The following NDRG1 variants were observed in gnomAD, a reference collection of about 807,000 sequenced individuals.
NDRG1 encodes the protein N-myc downstream regulated 1, also known as protein NDRG1.
Under a neutral mutation model 56.9 loss-of-function variants are expected in NDRG1, and 32 were observed. That is an observed-to-expected ratio of 0.56 (90% CI 0.42 to 0.76). The LOEUF (loss-of-function observed/expected upper bound fraction) is 0.76, where lower values mean the gene tolerates loss of function less well. Ranked by LOEUF, NDRG1 falls within the 30% of genes least tolerant of loss-of-function variation. NDRG1 has a pLI of 0.00. For synonymous variants in NDRG1, 211 were observed against 204.1 expected (o/e 1.03, Z -0.29); for missense variants, 507 against 545.7 (o/e 0.93, Z 0.71).
chr8:133,273,248 C>A (rs779124001), intron 3 of NDRG1, among the ~76,000 whole-genome samples: 9 of 85,644 alleles, frequency 1.1e-4, no homozygotes, highest in Non-Finnish European at 2.0e-4. Context: ...GAATTAGAAG[C>A]AGCAAATCCA....
At chr8:133,290,138 TCCAGCTCTGCCACC>T (rs1284888266) in intron 1 of NDRG1, among the ~76,000 whole-genome samples, 1 of 152,104 alleles carries the variant, frequency 6.6e-6, no homozygotes, top group East Asian at 1.9e-4. Context: ...AGTGCCTTGC[TCCAGCTCTGCCACC>T]CACCTGCACA....
intron 1 of NDRG1, among the ~76,000 whole-genome samples, chr8:133,295,429 CTTA>C (rs1188904386): frequency 6.6e-6 from 1 of 152,222 alleles, no homozygotes; most frequent in Non-Finnish European, 1.5e-5. Flanking sequence ...CTCTCTCTCC[CTTA>C]CACCTTCCTT....
chr8:133,250,711 A>G (rs1191034757), intron 9 of NDRG1, among the ~76,000 whole-genome samples, 168 bp from the exon 10 acceptor site: 2 of 152,050 alleles, frequency 1.3e-5, no homozygotes, highest in Non-Finnish European at 2.9e-5. Flanking sequence ...CAACACGCCC[A>G]ACCAGGTGCA....
At chr8:133,247,999 G>GC in intron 11 of NDRG1, 73 bp from the exon 12 acceptor site, 1 of 1,411,662 alleles carries the variant, frequency 7.1e-7, no homozygotes, top group Non-Finnish European at 1.0e-6. Flanking sequence ...GGCCTGCCAG[G>GC]CTGGGGCCTG....
At chr8:133,296,688 G>GAC (rs1241133241) in intron 1 of NDRG1, 7 of 312,210 alleles carry the variant, frequency 2.2e-5, no homozygotes, top group East Asian at 2.0e-4. Context: ...TCCGTTCCCA[G>GAC]ACACAGACAC....
At chr8:133,243,579 C>A (rs1855499791) in intron 14 of NDRG1, among the ~76,000 whole-genome samples, 1 of 152,178 alleles carries the variant, frequency 6.6e-6, no homozygotes, top group African/African-American at 2.4e-5. Context: ...GTGCTGGTGT[C>A]CTCGAAGCCT....
chr8:133,296,731 ACT>A (rs1170076152), intron 1 of NDRG1: 7 of 269,160 alleles, frequency 2.6e-5, no homozygotes, highest in Non-Finnish European at 5.3e-5. Context: ...ACACACACAC[ACT>A]CACCTAGTCC....
At position 133,242,015 on chromosome 8, in the gene NDRG1, A is replaced by AT. The variant is rs2130667511; in HGVS notation, c.943+7dup. 2 of 1,614,204 alleles carry AT rather than the reference A, an allele frequency of 1.2e-6. No individual in the cohort carries two copies. The highest frequency in any genetic ancestry group is 1.7e-6 in the Non-Finnish European group (2 of 1,180,026). On this transcript the variant is annotated splice_region_variant and intron_variant, in intron 15 of 15. Transcript: ENST00000323851. The stretch of plus-strand genomic sequence containing the variant: ...CGACCCACTGCACACGGGGAATGCC[A>AT]TACTCACTGTATCCCATGCCCTGCA...
chr8:133,291,896 G>C (rs1306796555), intron 1 of NDRG1, among the ~76,000 whole-genome samples: 2 of 152,194 alleles, frequency 1.3e-5, no homozygotes, highest in Non-Finnish European at 2.9e-5. Context: ...ACTGCTGTGT[G>C]TTCAACTTGA....
At chr8:133,241,260 T>C (rs35456324) in intron 15 of NDRG1, 14,668 of 153,060 alleles carry the variant, frequency 0.096, 997 homozygotes, top group African/African-American at 0.18. Flanking sequence ...CAGCACTGAG[T>C]GTGGCTGCTG....
In NDRG1 at chr8:133,238,944, G is replaced by A; in HGVS notation, c.1119C>T (p.Asp373=). ...CAGCAGCACCCGAGTTGGGGGTGAT[G>A]TCCAGGTGGGCCCCCTCGCTGGTGT... is the stretch of plus-strand genomic sequence containing the variant. ...RSHTSEGAHL[D]ITPNSGAAGN... The change falls in exon 16 of 16, where the codon GAC becomes GAT. Residue 373 remains aspartate (D), a synonymous_variant. Coordinates refer to ENST00000323851, the MANE Select transcript of NDRG1 (RefSeq NM_006096.4). 2 of 1,573,918 alleles carry A rather than the reference G, an allele frequency of 1.3e-6. No individual in the cohort carries two copies. Among genetic ancestry groups the A allele is most frequent in the Non-Finnish European group, 1.7e-6 (2 of 1,160,490 alleles).
intron 5 of NDRG1, among the ~76,000 whole-genome samples, chr8:133,261,252 C>A (rs2130733797): frequency 6.6e-6 from 1 of 152,222 alleles, no homozygotes; most frequent in East Asian, 1.9e-4. Flanking sequence ...ATTATAGCCA[C>A]CCGCCACCAC....
intron 14 of NDRG1, among the ~76,000 whole-genome samples, chr8:133,243,029 G>A (rs1165431485): frequency 6.6e-6 from 1 of 152,146 alleles, no homozygotes; most frequent in Non-Finnish European, 1.5e-5. Context: ...AATATCAAGG[G>A]CATACGTGCA....
intron 3 of NDRG1, among the ~76,000 whole-genome samples, chr8:133,278,068 C>T (rs775314637): frequency 1.3e-5 from 2 of 152,202 alleles, no homozygotes; most frequent in Non-Finnish European, 2.9e-5. Flanking sequence ...AAGGAGCTGA[C>T]ATTTCAGCCA....
intron 8 of NDRG1, 63 bp downstream of exon 8, chr8:133,256,714 G>A: frequency 6.6e-7 from 1 of 1,507,316 alleles, no homozygotes; most frequent in East Asian, 2.3e-5. Context: ...CCCAGGCAGA[G>A]GCTGTGTGCA....
intron 1 of NDRG1, among the ~76,000 whole-genome samples, chr8:133,293,154 C>T (rs1184943516): frequency 6.6e-6 from 1 of 152,234 alleles, no homozygotes; most frequent in Non-Finnish European, 1.5e-5. Flanking sequence ...ACCTCTGCAG[C>T]CGCCTTCCTG....
chr8:133,280,350 G>T lies in NDRG1; in HGVS notation c.64-83C>A, dbSNP rs1444053699. On this transcript the variant is annotated intron_variant, in intron 2 of 15. Transcript: ENST00000323851. ...TATTGGGACATATGGGCCTTTCTAT[G>T]ACCTGAATCTGTACCTACACTTCCT... 3.0e-6 allele frequency: 4 copies of T among 1,330,650 alleles called. No individual in the cohort carries two copies. In the African/African-American group the frequency reaches 4.4e-5, roughly 15 times the overall value. 82.4% of individuals were successfully genotyped at this position (1,330,650 alleles called of 1,614,324 possible).
chr8:133,265,484 G>A (rs1208998193), intron 3 of NDRG1, among the ~76,000 whole-genome samples: 2 of 152,164 alleles, frequency 1.3e-5, no homozygotes, highest in East Asian at 3.9e-4. Flanking sequence ...TCCCATGTAA[G>A]CCATGTTGAG....
rs200051376 is a variant in NDRG1 at position 133,296,692 on chromosome 8, CAG to C, written c.-19+440_-19+441del. The C allele has an allele frequency of 1.9e-4, 62 of 328,738 alleles. 1 individual carries two copies. The highest frequency in any genetic ancestry group is 1.0e-3 in the African/African-American group (26 of 25,474). The allele number at this position is 328,738 out of a possible 1,614,324, so 20.4% of individuals were successfully genotyped here. On this transcript the variant is annotated intron_variant, in intron 1 of 15. Transcript: ENST00000323851. ...CGCGCAATCTCTCCGTTCCCAGACA[CAG>C]ACACACACACACACACACACACACA...
Sources: gnomAD v4.1 joint callset for allele counts (sites outside exome capture counted in the v4.1 genomes callset) on GRCh38, gnomAD v4.1.1 for gene constraint, MANE v1.5 for transcripts, NCBI Gene and HGNC (gene_info 2026-07-23, HGNC 2026-07-21) for gene names.